Variants in ANKRD30A observed in about 807,000 individuals in gnomAD.
The protein encoded by ANKRD30A is ankyrin repeat domain-containing protein 30A.
In ANKRD30A, 170 loss-of-function variants were observed where a neutral mutation model predicts 166.3. The observed-to-expected ratio is 1.02, with a 90% CI of 0.90 to 1.16. The LOEUF is 1.16. Ranked by LOEUF, ANKRD30A falls within the 50% of genes most tolerant of loss-of-function variation. The probability of loss-of-function intolerance (pLI) is 0.00; values close to 1 mark genes in which losing one functional copy is unlikely to be tolerated. For missense variants in ANKRD30A, 1,630 were observed against 1,518.0 expected (o/e 1.07, Z -1.23); for synonymous variants, 564 against 508.9 (o/e 1.11, Z -1.46).
At chr10:37,233,982 T>TAATATTTG (rs1362123111), downstream of ANKRD30A, among the ~76,000 whole-genome samples, 14 of 152,326 alleles carry the variant, frequency 9.2e-5, no homozygotes, top group African/African-American at 3.4e-4. Flanking sequence ...TGCAAGGTTG[T>TAATATTTG]AATATTTGGG....
rs1250986806 is a variant in ANKRD30A at position 37,217,703 on chromosome 10, T to C, written c.3092T>C (p.Leu1031Ser). The C allele has an allele frequency of 6.4e-7, 1 of 1,556,054 alleles. No homozygotes were observed. Among genetic ancestry groups the C allele is most frequent in the Admixed American group, 2.1e-5 (1 of 47,896 alleles). Residue 1031 changes from leucine to serine, a missense_variant, in exon 33 of 36, where the codon TTA becomes TCA. Leu to Ser is a moderately radical substitution (Grantham distance 145, BLOSUM62 -2). This residue lies in a region of ANKRD30A where 712 missense variants were observed against 629.3 expected (regional missense o/e 1.13). Transcript: ENST00000361713. ...EQELCSVRLT[L>S]NQEEEKRRNA... Reference sequence around the variant, plus strand: ...AGTATGTTTAATGGCAGATTGACTTTAAACCAAGAAGAAGAGAAGAGAAGA... The same window carrying C: ...AGTATGTTTAATGGCAGATTGACTTCAAACCAAGAAGAAGAGAAGAGAAGA...
chr10:37,140,028 T>C (rs867110322), intron 6 of ANKRD30A, among the ~76,000 whole-genome samples: 4 of 152,242 alleles, frequency 2.6e-5, no homozygotes, highest in African/African-American at 9.6e-5. Context: ...ATTTTATATG[T>C]ACTATATAGT....
chr10:37,258,730 G>A, the ANKRD30A span, among the ~76,000 whole-genome samples: 3 of 150,950 alleles, frequency 2.0e-5, no homozygotes, highest in East Asian at 3.9e-4. Context: ...TTGGGAGGCC[G>A]AGGTGGGTGG....
chr10:37,218,820 T>C (rs1842730969), intron 33 of ANKRD30A, among the ~76,000 whole-genome samples, 160 bp from the exon 34 acceptor site: 2 of 150,998 alleles, frequency 1.3e-5, no homozygotes, highest in African/African-American at 4.8e-5. Context: ...GAATTTATGC[T>C]CTATAGCATT....
At chr10:37,243,597 A>G in the ANKRD30A span, among the ~76,000 whole-genome samples, 1 of 152,114 alleles carries the variant, frequency 6.6e-6, no homozygotes, top group Non-Finnish European at 1.5e-5. Flanking sequence ...GTCCTTACTT[A>G]ACGTGGTCAA....
intron 6 of ANKRD30A, 143 bp from the exon 7 acceptor site, chr10:37,141,572 CAAA>C (rs909714989): frequency 1.0e-2 from 7,412 of 741,466 alleles, no homozygotes; most frequent in Middle Eastern, 0.013. Context: ...GACTCTGTCT[CAAA>C]AAAAAAAAAA....
At position 37,130,253 on chromosome 10, in the gene ANKRD30A, G is replaced by T; in HGVS notation, c.385G>T (p.Gly129Cys). Residue 129 changes from glycine (G) to cysteine (C), a missense_variant, in exon 3 of 36, where the codon GGT (glycine) becomes TGT (cysteine). Gly to Cys is a radical substitution (Grantham distance 159). Transcript: ENST00000361713. The stretch of plus-strand genomic sequence containing the variant: ...TTGTGCAAATATTCTGATAGATTCT[G>T]GTGCCGATATAAATCTCGTAGATGT... ...EACANILIDS[G>C]ADINLVDVYG... 1.2e-6 allele frequency: 2 copies of T among 1,603,388 alleles called. No homozygotes were observed. Among genetic ancestry groups the T allele is most frequent in the South Asian group, 1.1e-5 (1 of 90,008 alleles).
chr10:37,167,104 C>G (rs550935651), intron 19 of ANKRD30A, among the ~76,000 whole-genome samples: 3 of 151,880 alleles, frequency 2.0e-5, no homozygotes, highest in South Asian at 2.1e-4. Flanking sequence ...GAGAAGCCAG[C>G]TAGATGATTT....
intron 24 of ANKRD30A, chr10:37,177,671 CTG>C (rs1373004462): frequency 7.4e-7 from 1 of 1,351,472 alleles, no homozygotes. Context: ...AACAGAGTCT[CTG>C]TGAGACTGTT....
chr10:37,235,215 A>G (rs2132773578), downstream of ANKRD30A, among the ~76,000 whole-genome samples: 1 of 152,292 alleles, frequency 6.6e-6, no homozygotes, highest in Admixed American at 6.5e-5. Flanking sequence ...AGTTTCTCAA[A>G]TTCTTCTAAT....
In ANKRD30A at chr10:37,166,786, C is replaced by A. The variant is rs551898336; in HGVS notation, c.2155+91C>A. ...ATCCTCTAGTAGCTGAAGAAAATTA[C>A]CTCCTAAATGCAAACCATGGAAAAA... On this transcript the variant is annotated intron_variant, in intron 19 of 35. Transcript: ENST00000361713. The A allele has an allele frequency of 1.1e-5, 17 of 1,559,518 alleles. No homozygotes were observed. The African/African-American group carries it at 2.2e-4, about 20-fold the overall frequency.
At chr10:37,245,635 A>G in the ANKRD30A span, among the ~76,000 whole-genome samples, 1 of 152,124 alleles carries the variant, frequency 6.6e-6, no homozygotes, top group African/African-American at 2.4e-5. Context: ...GACCACAGAC[A>G]TTTATGAGAT....
chr10:37,265,843 C>G, the ANKRD30A span, among the ~76,000 whole-genome samples: 1 of 152,254 alleles, frequency 6.6e-6, no homozygotes, highest in Middle Eastern at 3.2e-3. Flanking sequence ...TGTCTGCTAT[C>G]TCTGCCTCAC....
Position 37,201,235 on chromosome 10 carries a change from A to C in ANKRD30A, c.2779A>C (p.Ser927Arg), listed in dbSNP as rs1841599735. ...KVEENSWDSESLRETVSQKDV... is the reference protein window; with the variant it reads ...KVEENSWDSERLRETVSQKDV... ...TATTTATTGATATTACTTTTAACAG[A>C]GTCTCCGTGAGACTGTTTCACAGAA... is the stretch of plus-strand genomic sequence containing the variant. Residue 927 changes from serine (S) to arginine (R), a missense_variant and splice_region_variant, in exon 31 of 36, where the codon AGT becomes CGT. Ser to Arg is a moderately radical substitution (Grantham distance 110). Coordinates refer to ENST00000361713, the MANE Select transcript of ANKRD30A (RefSeq NM_052997.3). The C allele has an allele frequency of 6.5e-7, 1 of 1,545,944 alleles. No individual in the cohort carries two copies. The highest frequency in any genetic ancestry group is 8.7e-7 in the Non-Finnish European group (1 of 1,150,100).
At chr10:37,138,448 G>A (rs1836866431) in intron 6 of ANKRD30A, among the ~76,000 whole-genome samples, 3 of 152,132 alleles carry the variant, frequency 2.0e-5, no homozygotes, top group African/African-American at 7.2e-5. Context: ...GAGGAAGTTC[G>A]AACCCATGGC....
At chr10:37,126,514 G>C (rs1836023452) in intron 1 of ANKRD30A, among the ~76,000 whole-genome samples, 1 of 152,186 alleles carries the variant, frequency 6.6e-6, no homozygotes, top group Non-Finnish European at 1.5e-5. Context: ...GTTCTTTGCT[G>C]AGGGACCTTA....
At chr10:37,156,656 T>A (rs184193808) in intron 13 of ANKRD30A, among the ~76,000 whole-genome samples, 2 of 152,328 alleles carry the variant, frequency 1.3e-5, no homozygotes, top group Non-Finnish European at 2.9e-5. Flanking sequence ...CTCATGACAC[T>A]CTGCTTTCTT....
chr10:37,197,865 G>A (rs774904422), intron 29 of ANKRD30A, among the ~76,000 whole-genome samples: 15 of 151,772 alleles, frequency 9.9e-5, no homozygotes, highest in Non-Finnish European at 1.5e-4. Context: ...TATAACACTC[G>A]TGTTTTAACT....
chr10:37,162,579 C>G, intron 15 of ANKRD30A, 70 bp from the exon 16 acceptor site: 1 of 1,580,754 alleles, frequency 6.3e-7, no homozygotes, highest in Non-Finnish European at 8.7e-7. Flanking sequence ...TAAATACTAT[C>G]ACGGCATTCA....
Sources: gnomAD v4.1 joint callset for allele counts (sites outside exome capture counted in the v4.1 genomes callset) on GRCh38, gnomAD v4.1.1 for gene constraint, gnomAD v4.1.1 regional missense constraint, MANE v1.5 for transcripts, NCBI Gene and HGNC (gene_info 2026-07-23, HGNC 2026-07-21) for gene names.